Variants in FMN1 observed in about 807,000 individuals in gnomAD.
FMN1 encodes formin-1.
A neutral mutation model predicts 132.4 loss-of-function variants in FMN1; 110 were observed. The observed-to-expected ratio is 0.83, with a 90% CI of 0.71 to 0.97. FMN1 has a LOEUF of 0.97. FMN1 is among the 50% of genes least tolerant of loss of function. The pLI is 0.00. For synonymous variants in FMN1, 722 were observed against 651.7 expected (o/e 1.11, Z -1.64); for missense variants, 1,792 against 1,705.3 (o/e 1.05, Z -0.90).
intron 20 of FMN1, 52 bp downstream of exon 20, chr15:32,776,783 G>T: frequency 9.1e-7 from 1 of 1,093,376 alleles, no homozygotes; most frequent in Non-Finnish European, 1.4e-6. Flanking sequence ...CTTCCTGGGC[G>T]CACCTCAATT....
intron 19 of FMN1, among the ~76,000 whole-genome samples, chr15:32,788,818 C>T (rs2056967414): frequency 6.6e-6 from 1 of 152,242 alleles, no homozygotes; most frequent in African/African-American, 2.4e-5. Flanking sequence ...AGGATCTCCA[C>T]TTCCTTCTTT....
chr15:33,122,993 A>G (rs1330174971), intron 4 of FMN1, among the ~76,000 whole-genome samples: 1 of 151,944 alleles, frequency 6.6e-6, no homozygotes, highest in African/African-American at 2.4e-5. Context: ...TCACAAATAA[A>G]AAGACAGGCC....
intron 17 of FMN1, among the ~76,000 whole-genome samples, chr15:32,819,004 C>T (rs2058133072): frequency 6.6e-6 from 1 of 151,806 alleles, no homozygotes. Context: ...ATTACCTCCT[C>T]CTGTGGGATG....
At chr15:33,119,947 G>A (rs1387895846) in intron 4 of FMN1, among the ~76,000 whole-genome samples, 4 of 152,122 alleles carry the variant, frequency 2.6e-5, no homozygotes, top group Non-Finnish European at 5.9e-5. Flanking sequence ...AGCTCAAAGC[G>A]TTTTGCAAAC....
Position 33,154,387 on chromosome 15 carries a change from C to T in FMN1, c.528G>A (p.Arg176=), listed in dbSNP as rs1330066424. ...GGCCTCCACGCCCTTTTCTTTTGGT[C>T]CTCTTCTGTGGAAGGGCCCCAAAGC... ...RESFGALPQK[R]TKRKGRGGRE... Residue 176 remains arginine (R), a synonymous_variant, in exon 4 of 21, where the codon AGG becomes AGA. Transcript: ENST00000616417. 7 of 1,536,030 alleles carry T rather than the reference C, an allele frequency of 4.6e-6. No homozygotes were observed. The highest frequency in any genetic ancestry group is 6.1e-6 in the Non-Finnish European group (7 of 1,146,916).
rs762959524 is a variant in FMN1 at position 33,008,006 on chromosome 15, A to G, written c.2223+8T>C. On this transcript the variant is annotated splice_region_variant and intron_variant, in intron 7 of 20. Coordinates refer to ENST00000616417, the MANE Select transcript of FMN1 (RefSeq NM_001277313.2). ...TAGAACCCGTTCAGTAGCATCAAAG[A>G]GGCATACCTGCAGGTTTTCAATTTC... The G allele has an allele frequency of 3.8e-5, 60 of 1,595,978 alleles. 1 individual carries two copies. The South Asian group carries it at 6.6e-4, about 18-fold the overall frequency.
intron 4 of FMN1, among the ~76,000 whole-genome samples, chr15:33,124,471 C>T (rs1383687045): frequency 6.6e-6 from 1 of 152,102 alleles, no homozygotes; most frequent in Non-Finnish European, 1.5e-5. Context: ...AGCTGCATGA[C>T]CTTCTTAAAT....
intron 5 of FMN1, chr15:33,068,077 G>A: frequency 1.4e-6 from 2 of 1,381,676 alleles, no homozygotes; most frequent in Non-Finnish European, 1.9e-6. Flanking sequence ...GTGCGATGAT[G>A]TGTTCCAGGG....
chr15:33,040,595 GAGTT>G (rs1462516306), intron 6 of FMN1, among the ~76,000 whole-genome samples: 1 of 152,152 alleles, frequency 6.6e-6, no homozygotes, highest in Non-Finnish European at 1.5e-5. Context: ...TACTAAATAA[GAGTT>G]AGATATGATC....
chr15:33,018,951 A>C (rs28866011), intron 6 of FMN1, among the ~76,000 whole-genome samples: 1 of 152,076 alleles, frequency 6.6e-6, no homozygotes, highest in Admixed American at 6.5e-5. Context: ...GTTACAGCTC[A>C]TAAAGACAAT....
At chr15:33,066,161 G>A (rs1006822340) in intron 5 of FMN1, among the ~76,000 whole-genome samples, 2 of 152,162 alleles carry the variant, frequency 1.3e-5, no homozygotes, top group African/African-American at 2.4e-5. Context: ...AAGGGGTGAG[G>A]AAACCCTGTA....
chr15:32,964,709 C>A lies in FMN1; in HGVS notation c.2988-452G>T, dbSNP rs191102141. Reference sequence around the variant, plus strand: ...GAGTACCGAAGTAAAGACCTGCCTCCTCTTTGGACTTTTTCAACTACTTTT... The same window carrying A: ...GAGTACCGAAGTAAAGACCTGCCTCATCTTTGGACTTTTTCAACTACTTTT... On this transcript the variant is annotated intron_variant, in intron 8 of 20. Transcript: ENST00000616417. Among the ~76,000 whole-genome samples, 658 of 152,304 alleles carry A rather than the reference C, an allele frequency of 4.3e-3. 5 individuals are homozygous for A. The highest frequency in any genetic ancestry group is 0.015 in the African/African-American group (615 of 41,568).
At chr15:32,846,378 C>T (rs1255423418) in intron 17 of FMN1, among the ~76,000 whole-genome samples, 1 of 152,016 alleles carries the variant, frequency 6.6e-6, no homozygotes, top group Non-Finnish European at 1.5e-5. Flanking sequence ...CTTAAATTTA[C>T]AAGAAACAAC....
chr15:33,073,188 T>C (rs2038065741), intron 5 of FMN1, among the ~76,000 whole-genome samples: 1 of 152,172 alleles, frequency 6.6e-6, no homozygotes, highest in African/African-American at 2.4e-5. Flanking sequence ...CCCCACATTC[T>C]CATCAGACTT....
At chr15:32,792,192 C>T (rs1489351648) in intron 19 of FMN1, among the ~76,000 whole-genome samples, 2 of 149,722 alleles carry the variant, frequency 1.3e-5, no homozygotes, top group Non-Finnish European at 3.0e-5. Flanking sequence ...AGCAGTGGCA[C>T]ACTTTGGGAG....
At chr15:33,008,117 A>C in intron 6 of FMN1, 42 bp from the exon 7 acceptor site, 2 of 1,495,958 alleles carry the variant, frequency 1.3e-6, no homozygotes, top group Non-Finnish European at 1.8e-6. Flanking sequence ...GAAGTACAAA[A>C]TTAAGCACAA....
At chr15:32,882,526 G>A (rs2059795500) in intron 16 of FMN1, among the ~76,000 whole-genome samples, 1 of 152,142 alleles carries the variant, frequency 6.6e-6, no homozygotes, top group Non-Finnish European at 1.5e-5. Flanking sequence ...TGGTAGGGAG[G>A]AGAATTTTAT....
At chr15:33,066,075 A>C (rs1177428945) in intron 5 of FMN1, among the ~76,000 whole-genome samples, 1 of 152,192 alleles carries the variant, frequency 6.6e-6, no homozygotes, top group African/African-American at 2.4e-5. Flanking sequence ...GGAACACTCT[A>C]ATCACACCAC....
intron 4 of FMN1, among the ~76,000 whole-genome samples, chr15:33,091,246 T>A (rs1595451070): frequency 6.6e-6 from 1 of 152,150 alleles, no homozygotes; most frequent in East Asian, 1.9e-4. Flanking sequence ...AACATTCCCA[T>A]AACAACAAGG....
Sources: gnomAD v4.1 joint callset for allele counts (sites outside exome capture counted in the v4.1 genomes callset) on GRCh38, gnomAD v4.1.1 for gene constraint, MANE v1.5 for transcripts, NCBI Gene and HGNC (gene_info 2026-07-23, HGNC 2026-07-21) for gene names.